The following CTNND2 variants were observed in gnomAD, a reference collection of about 807,000 sequenced individuals.
The protein encoded by CTNND2 is catenin delta 2.
In CTNND2, 22 loss-of-function variants were observed where a neutral mutation model predicts 144.4. That is an observed-to-expected ratio of 0.15 (90% CI 0.11 to 0.22). The LOEUF is 0.22. Among genes scored for constraint, CTNND2 ranks in the 10% least tolerant of loss-of-function variants. CTNND2 has a pLI of 1.00. For synonymous variants in CTNND2, 751 were observed against 695.6 expected, an observed-to-expected ratio of 1.08 and a Z score of -1.25; for missense variants, 1,353 against 1,618.8, an observed-to-expected ratio of 0.84 and a Z score of 2.82.
At chr5:11,231,356 A>G (rs1452687616) in intron 10 of CTNND2, among the ~76,000 whole-genome samples, 1 of 152,182 alleles carries the variant, frequency 6.6e-6, no homozygotes, top group Admixed American at 6.5e-5. Context: ...AGGGCTCAGA[A>G]GAAGATATAT....
At chr5:11,663,357 C>T (rs976572997) in intron 2 of CTNND2, among the ~76,000 whole-genome samples, 8 of 152,086 alleles carry the variant, frequency 5.3e-5, no homozygotes, top group African/African-American at 1.9e-4. Flanking sequence ...TTCCTATCTG[C>T]AATCAACATT....
At position 11,607,340 on chromosome 5, in the gene CTNND2, T is replaced by C. The variant is rs191724951; in HGVS notation, c.175-42284A>G. On this transcript the variant is annotated intron_variant, in intron 2 of 21. Coordinates refer to ENST00000304623, the MANE Select transcript of CTNND2 (RefSeq NM_001332.4). Reference sequence around the variant, plus strand: ...GTGAAGTCGATACCTAAGACAGGCGTACAGATATATTTTGAGTGGTATGGT... The same window carrying C: ...GTGAAGTCGATACCTAAGACAGGCGCACAGATATATTTTGAGTGGTATGGT... Among the ~76,000 whole-genome samples the C allele has an allele frequency of 3.3e-5, 5 of 152,274 alleles. No individual in the cohort carries two copies. The East Asian group carries it at 9.7e-4, about 29-fold the overall frequency.
intron 9 of CTNND2, among the ~76,000 whole-genome samples, chr5:11,294,963 T>C (rs532319943): frequency 7.2e-4 from 110 of 152,216 alleles, no homozygotes; most frequent in African/African-American, 2.4e-3. Flanking sequence ...TTCAACATAG[T>C]GTTGGAAGTT....
At chr5:11,441,697 G>T (rs1764279638) in intron 3 of CTNND2, among the ~76,000 whole-genome samples, 2 of 143,284 alleles carry the variant, frequency 1.4e-5, no homozygotes, top group South Asian at 4.5e-4. Context: ...ACTTGGCCCG[G>T]TCTATCCAAT....
intron 2 of CTNND2, among the ~76,000 whole-genome samples, chr5:11,649,817 C>T (rs2727621): frequency 0.36 from 54,085 of 151,978 alleles, 12,691 homozygotes; most frequent in African/African-American, 0.67. Flanking sequence ...TAGGCACTAT[C>T]AGAATGCTTT....
rs1294051350 is a variant in CTNND2, at chr5:11,106,499, T to C, written c.2463+4359A>G. Among the ~76,000 whole-genome samples the C allele has an allele frequency of 2.0e-5, 3 of 152,214 alleles. No individual in the cohort carries two copies. The East Asian group carries it at 5.8e-4, about 29-fold the overall frequency. On this transcript the variant is annotated intron_variant, in intron 14 of 21. Transcript: ENST00000304623. The stretch of plus-strand genomic sequence containing the variant: ...ACTTGTGCCTACACCTTCCCGCCCA[T>C]CAGTGGTGTGCCAAAGTGGGCAGTG...
At chr5:11,799,964 G>A (rs1204855409) in intron 1 of CTNND2, among the ~76,000 whole-genome samples, 1 of 152,058 alleles carries the variant, frequency 6.6e-6, no homozygotes, top group Admixed American at 6.5e-5. Context: ...AATTGACTAG[G>A]GTGGTAAAGT....
At chr5:11,444,510 T>C (rs1764632215) in intron 3 of CTNND2, among the ~76,000 whole-genome samples, 1 of 152,180 alleles carries the variant, frequency 6.6e-6, no homozygotes, top group South Asian at 2.1e-4. Context: ...AAGGGCAGTC[T>C]GACCAACATG....
At chr5:11,718,641 G>A (rs1166580071) in intron 2 of CTNND2, among the ~76,000 whole-genome samples, 1 of 151,730 alleles carries the variant, frequency 6.6e-6, no homozygotes, top group Non-Finnish European at 1.5e-5. Flanking sequence ...AATAAGAAAA[G>A]TAAGAGAGAA....
At chr5:11,146,308 C>T (rs1220043403) in intron 12 of CTNND2, among the ~76,000 whole-genome samples, 1 of 152,156 alleles carries the variant, frequency 6.6e-6, no homozygotes, top group Non-Finnish European at 1.5e-5. Flanking sequence ...GCTACGGCTG[C>T]TCCAATTATC....
At chr5:11,584,912 A>G (rs2150134801) in intron 2 of CTNND2, among the ~76,000 whole-genome samples, 1 of 152,340 alleles carries the variant, frequency 6.6e-6, no homozygotes, top group East Asian at 1.9e-4. Flanking sequence ...TAGAGGATAG[A>G]AACATAAAGA....
intron 2 of CTNND2, among the ~76,000 whole-genome samples, chr5:11,726,267 A>G (rs1200015061): frequency 6.6e-6 from 1 of 152,200 alleles, no homozygotes; most frequent in Non-Finnish European, 1.5e-5. Context: ...CAGTGAATCT[A>G]TATCACATAC....
chr5:11,382,595 CTGTGTGTG>C (rs71582432), intron 7 of CTNND2, among the ~76,000 whole-genome samples: 3,178 of 130,078 alleles, frequency 0.024, 71 homozygotes, highest in East Asian at 0.086. Flanking sequence ...GAGTGAGACT[CTGTGTGTG>C]TGTGTGTGTG....
intron 2 of CTNND2, among the ~76,000 whole-genome samples, chr5:11,598,925 C>G (rs1779650926): frequency 6.6e-6 from 1 of 152,104 alleles, no homozygotes; most frequent in Non-Finnish European, 1.5e-5. Flanking sequence ...ATATGCATGG[C>G]TGGGGAGCCT....
At chr5:11,101,091 A>G (rs1469702870) in intron 14 of CTNND2, among the ~76,000 whole-genome samples, 1 of 152,178 alleles carries the variant, frequency 6.6e-6, no homozygotes, top group Non-Finnish European at 1.5e-5. Context: ...GCAACTGGAG[A>G]TGGAGTTCAA....
chr5:11,802,187 G>T (rs551153652), intron 1 of CTNND2, among the ~76,000 whole-genome samples: 1 of 151,574 alleles, frequency 6.6e-6, no homozygotes, highest in Admixed American at 6.6e-5. Flanking sequence ...CAGGAGAATC[G>T]CTTGAACTCG....
At chr5:11,578,929 C>A (rs1372113890) in intron 2 of CTNND2, among the ~76,000 whole-genome samples, 1 of 152,074 alleles carries the variant, frequency 6.6e-6, no homozygotes, top group Non-Finnish European at 1.5e-5. Flanking sequence ...GTAATATATT[C>A]AAAACATGAA....
chr5:11,857,921 G>T (rs2127018410), intron 1 of CTNND2, among the ~76,000 whole-genome samples: 1 of 152,306 alleles, frequency 6.6e-6, no homozygotes, highest in African/African-American at 2.4e-5. Flanking sequence ...CAGGATGGCT[G>T]TGAAATGGAA....
rs559327815 is a variant in CTNND2, at chr5:11,734,752, C to T, written c.38-2480G>A. 1.2e-4 allele frequency among the ~76,000 whole-genome samples: 18 copies of T among 152,210 alleles called. No homozygotes were observed. The South Asian group carries it at 2.9e-3, about 25-fold the overall frequency. ...CAGTAGCCTTTGCCCTAAGTTATTACGTATGTCTAGTTAATAATTTAGAGA... is the reference window on the plus strand; with the variant it reads ...CAGTAGCCTTTGCCCTAAGTTATTATGTATGTCTAGTTAATAATTTAGAGA... On this transcript the variant is annotated intron_variant, in intron 1 of 21. Coordinates refer to ENST00000304623, the MANE Select transcript of CTNND2 (RefSeq NM_001332.4).
Sources: gnomAD v4.1 joint callset for allele counts (sites outside exome capture counted in the v4.1 genomes callset) on GRCh38, gnomAD v4.1.1 for gene constraint, MANE v1.5 for transcripts, NCBI Gene and HGNC (gene_info 2026-07-23, HGNC 2026-07-21) for gene names.